Variants in NUP210 observed in about 807,000 individuals in gnomAD.
NUP210 encodes the protein nuclear pore membrane glycoprotein 210.
NUP210 carries 151 observed loss-of-function variants against 196.0 expected under a neutral mutation model. The ratio of observed to expected loss-of-function variants is 0.77; its 90% CI spans 0.67 to 0.88. NUP210 has a LOEUF of 0.88. NUP210 is among the 40% of genes least tolerant of loss of function. The pLI is 0.00. For synonymous variants in NUP210, 1,070 were observed against 1,052.7 expected (o/e 1.02, Z -0.32); for missense variants, 2,314 against 2,493.7 (o/e 0.93, Z 1.53).
chr3:13,340,160 G>A lies in NUP210; in HGVS notation c.3291+76C>T, dbSNP rs748613352. The stretch of plus-strand genomic sequence containing the variant: ...TCTTCTCCCAGTCACTGCACGCAGG[G>A]CCAGAGGCGGCGTGCCTGGAACCAG... On this transcript the variant is annotated intron_variant, in intron 24 of 39. Transcript: ENST00000254508. This position sits in a 1 kb window ranked among gnomAD's most constrained non-coding sequence, Gnocchi z 4.0. 183 of 1,604,640 alleles carry A rather than the reference G, an allele frequency of 1.1e-4. No homozygotes were observed. In the Middle Eastern group the frequency reaches 1.2e-3, roughly 10 times the overall value.
Position 13,354,091 on chromosome 3 carries a change from T to A in NUP210, c.2345A>T (p.His782Leu), listed in dbSNP as rs759626270. 3.8e-6 allele frequency: 6 copies of A among 1,594,266 alleles called. No homozygotes were observed. The South Asian group carries it at 6.8e-5, about 18-fold the overall frequency. ...AGCCAGGTCCAGCCGGGGGTTGCGG[T>A]GGCTGGACACTGGGACCTGCAGGGA... ...QNKQVVPVSS[H>L]RNPRLDLAAY... is the part of the protein sequence containing the mutation. Residue 782 changes from histidine (H) to leucine (L), a missense_variant, in exon 17 of 40, where the codon CAC becomes CTC. Physicochemically the swap from His to Leu is moderately conservative, Grantham distance 99 (BLOSUM62 -3). Coordinates refer to ENST00000254508, the MANE Select transcript of NUP210 (RefSeq NM_024923.4).
intron 3 of NUP210, 57 bp downstream of exon 3, chr3:13,397,300 G>A (rs1699689682): frequency 1.9e-6 from 3 of 1,575,030 alleles, no homozygotes; most frequent in Non-Finnish European, 2.6e-6. Context: ...CAGAGTCATG[G>A]TGGGGGGATG....
chr3:13,352,374 T>G (rs1698010096), intron 18 of NUP210, among the ~76,000 whole-genome samples, 190 bp from the exon 19 acceptor site: 1 of 152,226 alleles, frequency 6.6e-6, no homozygotes, highest in South Asian at 2.1e-4. Context: ...AATGAGTTGC[T>G]GGCTCCTCCA....
At chr3:13,393,426 T>C (rs1699553680) in intron 3 of NUP210, among the ~76,000 whole-genome samples, 1 of 152,198 alleles carries the variant, frequency 6.6e-6, no homozygotes, top group Non-Finnish European at 1.5e-5. Flanking sequence ...GTTGAATGTG[T>C]GGTAATTTCA....
chr3:13,329,217 A>G (rs78165938), intron 30 of NUP210, among the ~76,000 whole-genome samples: 2,234 of 152,318 alleles, frequency 0.015, 27 homozygotes, highest in East Asian at 0.059. Flanking sequence ...TGAATAAATG[A>G]GATCACTATT....
rs1696538263 is a variant in NUP210, at chr3:13,321,737, AG to A, written c.5013del (p.Ser1672ProfsTer29). On this transcript the variant is annotated frameshift_variant, in exon 36 of 40. Coordinates refer to ENST00000254508, the MANE Select transcript of NUP210 (RefSeq NM_024923.4). LOFTEE classifies it high-confidence loss of function. ...TGCTCTGTGGAGAAGTGGCTGCTGG[AG>A]AGGGAGGCACTGACCACCAGAGCTG... ...KKTALVVSAS[L>X]SSSHFSTEQV... 1 of 1,613,914 alleles carries A rather than the reference AG, an allele frequency of 6.2e-7. No individual in the cohort carries two copies. Among genetic ancestry groups the A allele is most frequent in the Non-Finnish European group, 8.5e-7 (1 of 1,180,018 alleles).
intron 13 of NUP210, among the ~76,000 whole-genome samples, chr3:13,369,989 G>A (rs1371601583): frequency 6.6e-6 from 1 of 152,208 alleles, no homozygotes; most frequent in Non-Finnish European, 1.5e-5. Context: ...CTGAGCCTGG[G>A]AGGTGGCAGA....
intron 16 of NUP210, among the ~76,000 whole-genome samples, 178 bp downstream of exon 16, chr3:13,358,044 C>A (rs1467855996): frequency 6.6e-6 from 1 of 152,192 alleles, no homozygotes; most frequent in African/African-American, 2.4e-5. Flanking sequence ...GCTGTGTGTC[C>A]CCTGCATATA....
chr3:13,327,629 C>T (rs999011347), intron 31 of NUP210, among the ~76,000 whole-genome samples, 192 bp from the exon 32 acceptor site: 33 of 152,348 alleles, frequency 2.2e-4, no homozygotes, highest in Admixed American at 1.7e-3. Flanking sequence ...GGCACAGGCT[C>T]GACCTCCTCA....
Position 13,337,875 on chromosome 3 carries a change from T to C in NUP210, c.3514A>G (p.Ile1172Val). ...CTCATCCGCATGATGGGGGCGCGGATCCTCACGGCCCTTAGCAGCAGCACC... is the reference window on the plus strand; with the variant it reads ...CTCATCCGCATGATGGGGGCGCGGACCCTCACGGCCCTTAGCAGCAGCACC... ...VEVLLLRAVR[I>V]RAPIMRMRTG... Residue 1172 changes from isoleucine to valine, a missense_variant, in exon 26 of 40, where the codon ATC becomes GTC. Ile to Val is a conservative substitution (Grantham distance 29). Transcript: ENST00000254508. 1 of 1,612,842 alleles carries C rather than the reference T, an allele frequency of 6.2e-7. No homozygotes were observed. The highest frequency in any genetic ancestry group is 8.5e-7 in the Non-Finnish European group (1 of 1,179,856).
chr3:13,388,890 C>T (rs1463374866), intron 4 of NUP210, among the ~76,000 whole-genome samples: 2 of 152,250 alleles, frequency 1.3e-5, no homozygotes, highest in African/African-American at 2.4e-5. Context: ...ACCTCCCCGG[C>T]CTAGCGCCCA....
At chr3:13,395,555 T>C (rs1699624820) in intron 3 of NUP210, among the ~76,000 whole-genome samples, 1 of 152,202 alleles carries the variant, frequency 6.6e-6, no homozygotes, top group Non-Finnish European at 1.5e-5. Flanking sequence ...TGACCTCGAG[T>C]GATCTGCCCG....
rs143979368 is a variant in NUP210, at chr3:13,327,293, G to A, written c.4431C>T (p.Ala1477=). 1 of 1,613,472 alleles carries A rather than the reference G, an allele frequency of 6.2e-7. No individual in the cohort carries two copies. Among genetic ancestry groups the A allele is most frequent in the Non-Finnish European group, 8.5e-7 (1 of 1,180,014 alleles). ...TGGCCCCAGACAGCTCTGGGGAGAT[G>A]GCCTGTAGGACAGGCAGGGGCATGA... ...SDFMPLPVLQ[A]ISPELSGAMV... The change falls in exon 32 of 40, where the codon GCC becomes GCT. Residue 1477 remains alanine (A), a synonymous_variant. Transcript: ENST00000254508.
intron 1 of NUP210, among the ~76,000 whole-genome samples, chr3:13,408,631 T>G (rs1700069829): frequency 6.6e-6 from 1 of 151,784 alleles, no homozygotes; most frequent in Non-Finnish European, 1.5e-5. Context: ...CTACTAACAA[T>G]ACAAAAATTA....
At chr3:13,392,294 C>T (rs1415744225) in intron 3 of NUP210, among the ~76,000 whole-genome samples, 5 of 152,202 alleles carry the variant, frequency 3.3e-5, no homozygotes, top group South Asian at 4.1e-4. Context: ...AAACTCTGCT[C>T]CTTCGCCTTA....
At chr3:13,337,795 C>T in intron 26 of NUP210, 42 bp downstream of exon 26, 1 of 1,561,002 alleles carries the variant, frequency 6.4e-7, no homozygotes, top group South Asian at 1.2e-5. Flanking sequence ...CCAGCAGTGG[C>T]TCTTCGGGAA....
Position 13,420,196 on chromosome 3 carries a change from GCAGCA to G in NUP210, c.26_30del (p.Leu9ProfsTer34). On this transcript the variant is annotated frameshift_variant, in exon 1 of 40. Coordinates refer to ENST00000254508, the MANE Select transcript of NUP210 (RefSeq NM_024923.4). LOFTEE classifies it high-confidence loss of function. This position sits in a 1 kb window ranked among gnomAD's most constrained non-coding sequence, Gnocchi z 4.8. Reference sequence around the variant, plus strand: ...GCCGCCAACAGCACCGACAGCGTCAGCAGCAGCAGCCCCCGGCCCCGCGCCGCCAT... The same window carrying G: ...GCCGCCAACAGCACCGACAGCGTCAGGCAGCCCCCGGCCCCGCGCCGCCAT... The G allele has an allele frequency of 8.3e-7, 1 of 1,207,932 alleles. No individual in the cohort carries two copies. Among genetic ancestry groups the G allele is most frequent in the Non-Finnish European group, 1.0e-6 (1 of 958,626 alleles). The allele number at this position is 1,207,932 out of a possible 1,614,324, so 74.8% of individuals were successfully genotyped here.
At position 13,319,167 on chromosome 3, in the gene NUP210, C is replaced by G; in HGVS notation, c.5480-12G>C. The G allele has an allele frequency of 6.2e-7, 1 of 1,611,486 alleles. No homozygotes were observed. Among genetic ancestry groups the G allele is most frequent in the Non-Finnish European group, 8.5e-7 (1 of 1,178,832 alleles). On this transcript the variant is annotated splice_polypyrimidine_tract_variant and intron_variant, in intron 38 of 39. Coordinates refer to ENST00000254508, the MANE Select transcript of NUP210 (RefSeq NM_024923.4). ...GACAGTGTGGTAGGCTGCAAGAGCACAGGGTTGGTTAGAGCAGGTCGGGGC... is the reference window on the plus strand; with the variant it reads ...GACAGTGTGGTAGGCTGCAAGAGCAGAGGGTTGGTTAGAGCAGGTCGGGGC...
chr3:13,367,283 G>A (rs1268095481), intron 13 of NUP210, among the ~76,000 whole-genome samples: 1 of 150,718 alleles, frequency 6.6e-6, no homozygotes, highest in Non-Finnish European at 1.5e-5. Context: ...TTAAAATACA[G>A]AATTAGCCGC....
Sources: allele counts gnomAD v4.1 joint callset (sites outside exome capture counted in the v4.1 genomes callset), GRCh38; gene constraint gnomAD v4.1.1; non-coding constraint Gnocchi (gnomAD v3.1); transcripts MANE v1.5; gene names NCBI Gene and HGNC (gene_info 2026-07-23, HGNC 2026-07-21).